Variants in RIN3 observed in about 807,000 individuals in gnomAD.
The protein encoded by RIN3 is RAB5 interacting protein 3.
A neutral mutation model predicts 76.3 loss-of-function variants in RIN3; 54 were observed. The observed-to-expected ratio is 0.71, with a 90% CI of 0.57 to 0.89. The LOEUF (loss-of-function observed/expected upper bound fraction) is 0.89. RIN3 is among the 40% of genes least tolerant of loss of function. The pLI, the probability that RIN3 is intolerant of heterozygous loss-of-function variation, is 0.00. For missense variants in RIN3, 1,256 were observed against 1,322.1 expected, an observed-to-expected ratio of 0.95 and a Z score of 0.78; for synonymous variants, 576 against 564.0, an observed-to-expected ratio of 1.02 and a Z score of -0.30.
chr14:92,570,050 C>T (rs2140050662), intron 2 of RIN3, among the ~76,000 whole-genome samples: 1 of 152,342 alleles, frequency 6.6e-6, no homozygotes, highest in South Asian at 2.1e-4. Flanking sequence ...AAAGATGGGG[C>T]AGCCCTGCCA....
chr14:92,662,861 C>G (rs572698105), intron 7 of RIN3, among the ~76,000 whole-genome samples: 160 of 150,808 alleles, frequency 1.1e-3, no homozygotes, highest in South Asian at 1.3e-3. Context: ...AACACGGGGT[C>G]TCTTTCTGTC....
chr14:92,614,840 A>G (rs1885889322), intron 3 of RIN3, among the ~76,000 whole-genome samples: 1 of 133,550 alleles, frequency 7.5e-6, no homozygotes, highest in South Asian at 2.5e-4. Flanking sequence ...AGTCTCTGGT[A>G]TGTCTTTTTT....
rs1888328556 is a variant in RIN3, at chr14:92,672,702, T to G, written c.2336-3773T>G. 2.0e-5 allele frequency among the ~76,000 whole-genome samples: 3 copies of G among 151,850 alleles called. No homozygotes were observed. In the South Asian group the frequency reaches 6.2e-4, roughly 31 times the overall value. On this transcript the variant is annotated intron_variant, in intron 7 of 9. Transcript: ENST00000216487. ...TGTGTGTGTGTGTATACACATAATT[T>G]TTAAAATGATTCAGTGGTTTTCAGT...
At chr14:92,588,939 T>A (rs755769944) in intron 3 of RIN3, among the ~76,000 whole-genome samples, 2 of 152,206 alleles carry the variant, frequency 1.3e-5, no homozygotes, top group Non-Finnish European at 2.9e-5. Context: ...GCCCATGAAG[T>A]GTAGGAGTTA....
rs780136048 is a variant in RIN3 at position 92,526,379 on chromosome 14, A to G, written c.44+12403A>G. On this transcript the variant is annotated intron_variant, in intron 1 of 9. Transcript: ENST00000216487. ...GAGGCTGATGCGGCAGGATCAGTTG[A>G]GCTCGGGAGGCAGAGGTTGCAGTGA... 4.6e-5 allele frequency among the ~76,000 whole-genome samples: 7 copies of G among 151,708 alleles called. No individual in the cohort carries two copies. The East Asian group carries it at 1.3e-3, about 29-fold the overall frequency.
intron 4 of RIN3, among the ~76,000 whole-genome samples, chr14:92,639,003 C>T (rs891091095): frequency 6.6e-6 from 1 of 152,244 alleles, no homozygotes; most frequent in Non-Finnish European, 1.5e-5. Context: ...GCAGAGGTTC[C>T]CTGGCAGGGG....
At position 92,688,219 on chromosome 14, in the gene RIN3, C is replaced by T. The variant is rs773295390; in HGVS notation, c.2925C>T (p.Pro975=). The T allele has an allele frequency of 3.1e-6, 5 of 1,601,328 alleles. No individual in the cohort carries two copies. Among genetic ancestry groups the T allele is most frequent in the Middle Eastern group, 1.7e-4 (1 of 6,032 alleles). ...GGGGGGGGSP[P]CLVVREPNFL is the part of the protein sequence containing the mutation. ...GCGGCGGCGGCGGCGGGAGCCCGCC[C>T]TGCCTGGTGGTGCGGGAGCCCAACT... The change falls in exon 10 of 10, where the codon CCC becomes CCT. Residue 975 remains proline (P), a synonymous_variant. Coordinates refer to ENST00000216487, the MANE Select transcript of RIN3 (RefSeq NM_024832.5).
Position 92,684,829 on chromosome 14 carries a change from G to A in RIN3, c.2468-158G>A, listed in dbSNP as rs564084863. ...AACTTTCTGAGGCTGGAGGGTGGGC[G>A]TGGGGTTGAGCTCAGCTGTTGAAGC... On this transcript the variant is annotated intron_variant, in intron 8 of 9. Coordinates refer to ENST00000216487, the MANE Select transcript of RIN3 (RefSeq NM_024832.5). Among the ~76,000 whole-genome samples the A allele has an allele frequency of 1.1e-4, 16 of 152,206 alleles. No individual in the cohort carries two copies. In the South Asian group the frequency reaches 1.7e-3, roughly 16 times the overall value.
At chr14:92,588,921 AG>A (rs972017875) in intron 3 of RIN3, among the ~76,000 whole-genome samples, 32 of 152,228 alleles carry the variant, frequency 2.1e-4, no homozygotes. Flanking sequence ...ACGGAATGTC[AG>A]TCATTAGCCC....
At chr14:92,592,580 A>G (rs941519776) in intron 3 of RIN3, among the ~76,000 whole-genome samples, 1 of 151,544 alleles carries the variant, frequency 6.6e-6, no homozygotes, top group Non-Finnish European at 1.5e-5. Context: ...GACTGCTTGT[A>G]ATACCCAATA....
At chr14:92,665,070 G>A (rs1181705388) in intron 7 of RIN3, among the ~76,000 whole-genome samples, 1 of 152,150 alleles carries the variant, frequency 6.6e-6, no homozygotes, top group African/African-American at 2.4e-5. Flanking sequence ...TCATTGTTGT[G>A]CAAACATTTT....
At chr14:92,637,582 A>T (rs1308219303) in intron 4 of RIN3, among the ~76,000 whole-genome samples, 7 of 152,058 alleles carry the variant, frequency 4.6e-5, no homozygotes, top group Admixed American at 4.6e-4. Context: ...TGCACATTTT[A>T]AGCACTTTTG....
chr14:92,685,245 C>T lies in RIN3; in HGVS notation c.2631+95C>T, dbSNP rs1442058484. ...AAGGAGCCGTGACATCACCTGGCTGCTCCAGCCGCCCAGCCCTGCCTTAGG... is the reference window on the plus strand; with the variant it reads ...AAGGAGCCGTGACATCACCTGGCTGTTCCAGCCGCCCAGCCCTGCCTTAGG... On this transcript the variant is annotated intron_variant, in intron 9 of 9. Coordinates refer to ENST00000216487, the MANE Select transcript of RIN3 (RefSeq NM_024832.5). The surrounding 1 kb of genome is among the most constrained non-coding windows in gnomAD (Gnocchi z 4.7). The T allele has an allele frequency of 9.0e-6, 12 of 1,333,066 alleles. No homozygotes were observed. Among genetic ancestry groups the T allele is most frequent in the Non-Finnish European group, 1.0e-5 (10 of 985,426 alleles). 82.6% of individuals were successfully genotyped at this position (1,333,066 alleles called of 1,614,324 possible).
chr14:92,651,486 C>CA, intron 5 of RIN3, 96 bp from the exon 6 acceptor site: 2 of 541,376 alleles, frequency 3.7e-6, no homozygotes, highest in Non-Finnish European at 3.2e-6. Flanking sequence ...TTGAACAGCC[C>CA]TCCCACCCGT....
intron 1 of RIN3, among the ~76,000 whole-genome samples, chr14:92,544,026 C>T (rs902142243): frequency 6.6e-6 from 1 of 152,096 alleles, no homozygotes; most frequent in South Asian, 2.1e-4. Flanking sequence ...CCCACCCCCC[C>T]ATCTCATTTA....
At chr14:92,584,135 C>T (rs1162611485) in intron 3 of RIN3, among the ~76,000 whole-genome samples, 4 of 152,170 alleles carry the variant, frequency 2.6e-5, no homozygotes, top group Admixed American at 2.6e-4. Context: ...CTTGAGCATC[C>T]TCAGATTTCG....
chr14:92,561,159 T>TTATATTTA (rs1274266576), intron 2 of RIN3, among the ~76,000 whole-genome samples: 4,354 of 134,672 alleles, frequency 0.032, 100 homozygotes, highest in Middle Eastern at 0.039. Flanking sequence ...ATATATATAT[T>TTATATTTA]TATATATATA....
Position 92,685,042 on chromosome 14 carries a change from C to T in RIN3, c.2523C>T (p.Asp841=). ...CCCTGGAGCACATCAAGAGCTACGACAAGATCACGGTGACCCGGCAGCTGA... is the reference window on the plus strand; with the variant it reads ...CCCTGGAGCACATCAAGAGCTACGATAAGATCACGGTGACCCGGCAGCTGA... The part of the protein sequence containing the change: ...YGALEHIKSY[D]KITVTRQLSV... Residue 841 remains aspartate (D), a synonymous_variant, in exon 9 of 10, where the codon GAC becomes GAT. Coordinates refer to ENST00000216487, the MANE Select transcript of RIN3 (RefSeq NM_024832.5). The surrounding 1 kb of genome is among the most constrained non-coding windows in gnomAD (Gnocchi z 4.7). The T allele has an allele frequency of 6.2e-7, 1 of 1,614,074 alleles. No homozygotes were observed. Among genetic ancestry groups the T allele is most frequent in the Non-Finnish European group, 8.5e-7 (1 of 1,179,988 alleles).
intron 3 of RIN3, among the ~76,000 whole-genome samples, chr14:92,613,899 G>T (rs578134660): frequency 2.9e-3 from 439 of 152,338 alleles, no homozygotes; most frequent in Non-Finnish European, 4.5e-3. Flanking sequence ...GCTCTCACGT[G>T]CAGGGAGCAT....
Sources: gnomAD v4.1 joint callset for allele counts (sites outside exome capture counted in the v4.1 genomes callset) on GRCh38, gnomAD v4.1.1 for gene constraint, Gnocchi (gnomAD v3.1) non-coding constraint, MANE v1.5 for transcripts, NCBI Gene and HGNC (gene_info 2026-07-23, HGNC 2026-07-21) for gene names.